The following ATF7IP variants were observed in gnomAD, a reference collection of about 807,000 sequenced individuals.
ATF7IP encodes the protein activating transcription factor 7-interacting protein 1.
A neutral mutation model predicts 106.4 loss-of-function variants in ATF7IP; 23 were observed. The ratio of observed to expected loss-of-function variants is 0.22; its 90% CI spans 0.16 to 0.31. The LOEUF (loss-of-function observed/expected upper bound fraction) is 0.31. Ranked by LOEUF, ATF7IP falls within the 10% of genes least tolerant of loss-of-function variation. The pLI is 1.00. For synonymous variants in ATF7IP, 542 were observed against 539.0 expected (o/e 1.01, Z -0.08); for missense variants, 1,334 against 1,524.3 (o/e 0.88, Z 2.08).
At chr12:14,427,172 G>C (rs1464381668) in intron 2 of ATF7IP, among the ~76,000 whole-genome samples, 1 of 152,022 alleles carries the variant, frequency 6.6e-6, no homozygotes, top group Non-Finnish European at 1.5e-5. Context: ...GCCCAGGCTG[G>C]AGTACAGTGG....
intron 5 of ATF7IP, among the ~76,000 whole-genome samples, chr12:14,439,502 A>G (rs1302843784): frequency 6.6e-6 from 1 of 152,188 alleles, no homozygotes; most frequent in East Asian, 1.9e-4. Context: ...TTCTCATCAC[A>G]CCCACGGGTG....
intron 1 of ATF7IP, among the ~76,000 whole-genome samples, chr12:14,384,158 A>G (rs1175185448): frequency 1.3e-5 from 2 of 152,164 alleles, no homozygotes; most frequent in Non-Finnish European, 1.5e-5. Context: ...CCTTTTAGCT[A>G]TATCCCTATT....
intron 1 of ATF7IP, among the ~76,000 whole-genome samples, chr12:14,423,197 C>G (rs1019029142): frequency 6.6e-6 from 1 of 152,000 alleles, no homozygotes; most frequent in Non-Finnish European, 1.5e-5. Context: ...AATGTCTGTT[C>G]AAGTCCTTTG....
intron 1 of ATF7IP, 70 bp downstream of exon 1, chr12:14,365,897 A>G (rs1938262335): frequency 6.6e-6 from 1 of 152,432 alleles, no homozygotes; most frequent in South Asian, 2.0e-4. Flanking sequence ...TGAAGAGTCA[A>G]GACCGCATTA....
rs1258690911 is a variant in ATF7IP at position 14,501,489 on chromosome 12, A to G, written c.*3416A>G. On this transcript the variant is annotated 3_prime_UTR_variant, in exon 15 of 15. Transcript: ENST00000261168. ...TCTTGCCAAGAAATTTATAAATCAC[A>G]TACGAAGACGTCTGTTGCTAACAGT... 2 of 152,218 alleles carry G rather than the reference A, an allele frequency of 1.3e-5. No individual in the cohort carries two copies. The highest frequency in any genetic ancestry group is 2.9e-5 in the Non-Finnish European group (2 of 68,022). 9.4% of individuals were successfully genotyped at this position (152,218 alleles called of 1,614,324 possible).
intron 1 of ATF7IP, among the ~76,000 whole-genome samples, chr12:14,421,694 A>G (rs1941516229): frequency 6.6e-6 from 1 of 152,126 alleles, no homozygotes; most frequent in South Asian, 2.1e-4. Flanking sequence ...CTTAAGACTA[A>G]TATCTTTCTG....
intron 6 of ATF7IP, among the ~76,000 whole-genome samples, chr12:14,452,334 G>A (rs1245106631): frequency 1.3e-5 from 2 of 151,790 alleles, no homozygotes; most frequent in African/African-American, 4.8e-5. Context: ...TTATCCATTT[G>A]CATTTAAATA....
chr12:14,423,764 T>A, intron 1 of ATF7IP, 145 bp from the exon 2 acceptor site: 1 of 823,032 alleles, frequency 1.2e-6, no homozygotes, highest in Non-Finnish European at 1.8e-6. Flanking sequence ...TGATAATTAG[T>A]ATACAACAAG....
At chr12:14,400,885 A>G (rs974679097) in intron 1 of ATF7IP, among the ~76,000 whole-genome samples, 1 of 152,072 alleles carries the variant, frequency 6.6e-6, no homozygotes, top group Non-Finnish European at 1.5e-5. Context: ...TTTTTTGATG[A>G]TTAGGTTGAA....
chr12:14,439,075 A>G (rs908928704), intron 5 of ATF7IP, among the ~76,000 whole-genome samples: 1 of 152,338 alleles, frequency 6.6e-6, no homozygotes, highest in Non-Finnish European at 1.5e-5. Context: ...AAGTACAACT[A>G]TATCTTAACA....
chr12:14,434,485 TACA>T, intron 3 of ATF7IP, 62 bp downstream of exon 3: 1 of 1,043,046 alleles, frequency 9.6e-7, no homozygotes, highest in Non-Finnish European at 1.5e-6. Context: ...TTTCTATATT[TACA>T]ACCGTGTAAT....
intron 1 of ATF7IP, among the ~76,000 whole-genome samples, chr12:14,374,900 ATATTTATAGTTATT>A (rs1386018844): frequency 6.6e-6 from 1 of 151,976 alleles, no homozygotes; most frequent in Non-Finnish European, 1.5e-5. Flanking sequence ...TTCCACTTTT[ATATTTATAGTTATT>A]TGTTTTTTGT....
chr12:14,401,940 C>G (rs1940235993), intron 1 of ATF7IP, among the ~76,000 whole-genome samples: 1 of 151,302 alleles, frequency 6.6e-6, no homozygotes, highest in South Asian at 2.1e-4. Context: ...TCTCTAACTC[C>G]TGACCTCGTG....
intron 2 of ATF7IP, among the ~76,000 whole-genome samples, chr12:14,433,070 G>A (rs1167489844): frequency 6.6e-6 from 1 of 152,082 alleles, no homozygotes; most frequent in Non-Finnish European, 1.5e-5. Flanking sequence ...TATGACTCAT[G>A]CAAATTAACC....
At chr12:14,491,949 C>T (rs922821945) in intron 13 of ATF7IP, among the ~76,000 whole-genome samples, 2 of 152,170 alleles carry the variant, frequency 1.3e-5, no homozygotes, top group Admixed American at 6.6e-5. Context: ...TCTTTCACGT[C>T]CTTGATGGTG....
chr12:14,461,171 C>T, intron 9 of ATF7IP, 38 bp downstream of exon 9: 5 of 1,573,034 alleles, frequency 3.2e-6, no homozygotes, highest in Non-Finnish European at 4.3e-6. Context: ...GAAATGCAAG[C>T]ATCTTAATAG....
At chr12:14,454,080 A>C (rs1943320375) in intron 6 of ATF7IP, among the ~76,000 whole-genome samples, 2 of 152,144 alleles carry the variant, frequency 1.3e-5, no homozygotes, top group African/African-American at 4.8e-5. Flanking sequence ...GCATTTGAAA[A>C]AACAGCCACA....
intron 14 of ATF7IP, among the ~76,000 whole-genome samples, chr12:14,496,998 A>G (rs1313923014): frequency 6.6e-6 from 1 of 152,204 alleles, no homozygotes; most frequent in East Asian, 1.9e-4. Flanking sequence ...CCTATGTCCA[A>G]GAAAAAGTTA....
At chr12:14,402,661 T>G (rs1940314096) in intron 1 of ATF7IP, among the ~76,000 whole-genome samples, 1 of 151,044 alleles carries the variant, frequency 6.6e-6, no homozygotes, top group Admixed American at 6.6e-5. Flanking sequence ...CTGGCTGAAG[T>G]GAAGTGGTGC....
Sources: gnomAD v4.1 joint callset for allele counts (sites outside exome capture counted in the v4.1 genomes callset) on GRCh38, gnomAD v4.1.1 for gene constraint, MANE v1.5 for transcripts, NCBI Gene and HGNC (gene_info 2026-07-23, HGNC 2026-07-21) for gene names.